UBR4: variants seen among roughly 807,000 people sequenced by gnomAD.
UBR4 encodes the protein E3 ubiquitin-protein ligase UBR4.
In UBR4, 124 loss-of-function variants were observed where a neutral mutation model predicts 575.6. The ratio of observed to expected loss-of-function variants is 0.22; its 90% CI spans 0.19 to 0.25. UBR4 has a LOEUF of 0.25. Ranked by LOEUF, UBR4 falls within the 10% of genes least tolerant of loss-of-function variation. UBR4 has a pLI of 1.00. For missense variants in UBR4, 4,818 were observed against 6,478.8 expected (o/e 0.74, Z 8.80); for synonymous variants, 2,455 against 2,473.7 (o/e 0.99, Z 0.22).
At chr1:19,085,385 G>C (rs1270216937) in intron 101 of UBR4, among the ~76,000 whole-genome samples, 5 of 152,236 alleles carry the variant, frequency 3.3e-5, no homozygotes, top group Admixed American at 3.3e-4. Context: ...AGCTGGGCAT[G>C]GTGGCAGGCA....
intron 2 of UBR4, among the ~76,000 whole-genome samples, chr1:19,201,122 G>C (rs555141610): frequency 5.3e-5 from 8 of 152,326 alleles, no homozygotes; most frequent in African/African-American, 1.7e-4. Context: ...CTGGATGACA[G>C]AGCAAGACCC....
chr1:19,086,782 C>T lies in UBR4; in HGVS notation c.14584G>A (p.Val4862Ile). ...VLGIYTFTKR[V>I]ALEEMENKPR... is the part of the protein sequence containing the mutation. ...TTATTCTCCATCTCCTCCAAGGCTA[C>T]CCGCTTCGTGAAGGTATAAATGCCC... Residue 4862 changes from valine (V) to isoleucine (I), a missense_variant, in exon 100 of 106, where the codon GTA becomes ATA. Transcript: ENST00000375254. The T allele has an allele frequency of 6.2e-7, 1 of 1,614,202 alleles. No individual in the cohort carries two copies. The highest frequency in any genetic ancestry group is 2.2e-5 in the East Asian group (1 of 44,890).
chr1:19,207,040 G>C (rs1430521942), intron 1 of UBR4, among the ~76,000 whole-genome samples: 2 of 152,150 alleles, frequency 1.3e-5, no homozygotes, highest in African/African-American at 4.8e-5. Flanking sequence ...GATGGAGCCA[G>C]GATATCAAAA....
chr1:19,186,265 T>C (rs16862585), intron 14 of UBR4, among the ~76,000 whole-genome samples: 3,125 of 152,256 alleles, frequency 0.021, 101 homozygotes, highest in African/African-American at 0.065. Context: ...GGAAGAAATA[T>C]GGAACAATTG....
intron 60 of UBR4, among the ~76,000 whole-genome samples, chr1:19,134,085 C>CAAAA (rs1354909087): frequency 2.3e-5 from 1 of 44,068 alleles, no homozygotes; most frequent in African/African-American, 1.4e-4. Flanking sequence ...GACTCTGTCT[C>CAAAA]TAAAAAAAAA....
intron 19 of UBR4, 124 bp downstream of exon 19, chr1:19,177,337 C>T: frequency 8.3e-7 from 1 of 1,199,640 alleles, no homozygotes; most frequent in South Asian, 1.5e-5. Flanking sequence ...TAATCCTACC[C>T]ATCAACCTAC....
At chr1:19,151,258 T>A (rs933871659) in intron 48 of UBR4, 1 of 341,054 alleles carries the variant, frequency 2.9e-6, no homozygotes, top group Non-Finnish European at 5.4e-6. Context: ...TTCAGTGGCA[T>A]AGCAAGCCAT....
chr1:19,128,792 T>C (rs1233904185), intron 61 of UBR4, among the ~76,000 whole-genome samples, 186 bp downstream of exon 61: 1 of 152,188 alleles, frequency 6.6e-6, no homozygotes, highest in East Asian at 1.9e-4. Context: ...TTTAAAAAAT[T>C]CTCTGACCCT....
rs368325160 is a variant in UBR4 at position 19,117,192 on chromosome 1, G to A, written c.10823+29C>T. The A allele has an allele frequency of 2.1e-5, 34 of 1,605,900 alleles. No homozygotes were observed. In the African/African-American group the frequency reaches 4.3e-4, roughly 20 times the overall value. On this transcript the variant is annotated intron_variant, in intron 73 of 105. Coordinates refer to ENST00000375254, the MANE Select transcript of UBR4 (RefSeq NM_020765.3). This position sits in a 1 kb window ranked among gnomAD's most constrained non-coding sequence, Gnocchi z 4.0. ...CTGAGCTTCAGCCTTACAACCTGCT[G>A]CCCCTCCCGAGGCCTAAAAAGCCCG...
In UBR4 at chr1:19,157,024, C is replaced by T. The variant is rs749745267; in HGVS notation, c.5761-99G>A. 9.2e-4 allele frequency: 1,263 copies of T among 1,366,010 alleles called. 4 individuals carry two copies. In the Middle Eastern group the frequency reaches 0.015, roughly 16 times the overall value. The allele number at this position is 1,366,010 out of a possible 1,614,324, so 84.6% of individuals were successfully genotyped here. On this transcript the variant is annotated intron_variant, in intron 40 of 105. Transcript: ENST00000375254. The surrounding 1 kb of genome is among the most constrained non-coding windows in gnomAD (Gnocchi z 4.4). Reference sequence around the variant, plus strand: ...CTTTCAATAGGGATAACAGGTTGCACACTTTTTTCTTTACAGATAAGTCTA... The same window carrying T: ...CTTTCAATAGGGATAACAGGTTGCATACTTTTTTCTTTACAGATAAGTCTA...
intron 70 of UBR4, among the ~76,000 whole-genome samples, 199 bp from the exon 71 acceptor site, chr1:19,119,156 T>C (rs1022883938): frequency 2.0e-5 from 3 of 152,258 alleles, no homozygotes; most frequent in African/African-American, 4.8e-5. Context: ...GCTTTAGTGA[T>C]AGGTAGTACC....
intron 17 of UBR4, among the ~76,000 whole-genome samples, chr1:19,180,301 G>C (rs771668191): frequency 6.6e-6 from 1 of 151,972 alleles, no homozygotes; most frequent in Non-Finnish European, 1.5e-5. Context: ...CAATTCTTGT[G>C]CCTCAGCCTC....
intron 39 of UBR4, among the ~76,000 whole-genome samples, chr1:19,158,717 C>T (rs955061604): frequency 1.3e-5 from 2 of 152,136 alleles, no homozygotes; most frequent in East Asian, 1.9e-4. Flanking sequence ...CCCACCTCAG[C>T]CTCCCAAAGT....
In UBR4 at chr1:19,150,783, C is replaced by T. The variant is rs144206434; in HGVS notation, c.7224G>A (p.Ser2408=). ...DKKLNLFIGA[S]VDPAGVTMID... ...TCATGGTGACACCTGCTGGATCCAC[C>T]GAGGCCCCAACTGCAATAAGCAAGA... The change falls in exon 49 of 106, where the codon TCG becomes TCA. Residue 2408 remains serine, a synonymous_variant. Coordinates refer to ENST00000375254, the MANE Select transcript of UBR4 (RefSeq NM_020765.3). 3.6e-5 allele frequency: 58 copies of T among 1,613,844 alleles called. No individual in the cohort carries two copies. The East Asian group carries it at 9.1e-4, about 25-fold the overall frequency.
rs867254184 is a variant in UBR4 at position 19,088,987 on chromosome 1, A to G, written c.14212-10T>C. 1 of 1,612,336 alleles carries G rather than the reference A, an allele frequency of 6.2e-7. No homozygotes were observed. On this transcript the variant is annotated splice_polypyrimidine_tract_variant and intron_variant, in intron 97 of 105. Coordinates refer to ENST00000375254, the MANE Select transcript of UBR4 (RefSeq NM_020765.3). The surrounding 1 kb of genome is among the most constrained non-coding windows in gnomAD (Gnocchi z 4.0). ...CAGTTCCAATCAGAACCTGCCAGTA[A>G]GAGACCAGAGAGACACATGCCTCCA...
intron 25 of UBR4, among the ~76,000 whole-genome samples, chr1:19,172,474 A>G (rs2089711684): frequency 1.3e-5 from 2 of 152,132 alleles, no homozygotes; most frequent in Admixed American, 1.3e-4. Context: ...CCAAGATCGC[A>G]CCATTGCACT....
At chr1:19,177,024 T>C (rs1310562506) in intron 19 of UBR4, among the ~76,000 whole-genome samples, 1 of 152,206 alleles carries the variant, frequency 6.6e-6, no homozygotes, top group African/African-American at 2.4e-5. Flanking sequence ...CAATGAAACA[T>C]TTTAAGAAAT....
At chr1:19,148,903 T>C (rs1454785801) in intron 49 of UBR4, among the ~76,000 whole-genome samples, 1 of 152,216 alleles carries the variant, frequency 6.6e-6, no homozygotes. Flanking sequence ...ATAAATGTGC[T>C]TCCTTCTGCT....
chr1:19,200,831 T>G (rs2092710066), intron 2 of UBR4, among the ~76,000 whole-genome samples: 1 of 152,148 alleles, frequency 6.6e-6, no homozygotes, highest in Admixed American at 6.5e-5. Flanking sequence ...CAATGTCCTT[T>G]CAGTTTACTT....
Sources: allele counts gnomAD v4.1 joint callset (sites outside exome capture counted in the v4.1 genomes callset), GRCh38; gene constraint gnomAD v4.1.1; non-coding constraint Gnocchi (gnomAD v3.1); transcripts MANE v1.5; gene names NCBI Gene and HGNC (gene_info 2026-07-23, HGNC 2026-07-21).